The following SLC22A23 variants were observed in gnomAD, a reference collection of about 807,000 sequenced individuals.
SLC22A23 encodes the protein ion transporter protein.
A neutral mutation model predicts 61.0 loss-of-function variants in SLC22A23; 26 were observed. The ratio of observed to expected loss-of-function variants is 0.43; its 90% CI spans 0.31 to 0.59. SLC22A23 has a LOEUF of 0.59. SLC22A23 is among the 20% of genes least tolerant of loss of function. The pLI is 0.11. For synonymous variants in SLC22A23, 430 were observed against 413.9 expected, an observed-to-expected ratio of 1.04 and a Z score of -0.47; for missense variants, 796 against 934.7, an observed-to-expected ratio of 0.85 and a Z score of 1.94.
At chr6:3,283,824 G>A (rs375269608) in intron 9 of SLC22A23, 28 bp downstream of exon 9, 23 of 1,612,590 alleles carry the variant, frequency 1.4e-5, no homozygotes, top group Admixed American at 6.7e-5. Flanking sequence ...AGAAGCCGGC[G>A]TCCCCTGGGG....
chr6:3,272,293 C>G lies in SLC22A23; in HGVS notation c.*762G>C, dbSNP rs995891304. 1 of 152,686 alleles carries G rather than the reference C, an allele frequency of 6.5e-6. No homozygotes were observed. The highest frequency in any genetic ancestry group is 1.5e-5 in the Non-Finnish European group (1 of 68,028). 9.5% of individuals were successfully genotyped at this position (152,686 alleles called of 1,614,324 possible). A position where few individuals can be genotyped will look rare whatever the true frequency, so the allele number is the denominator to read the frequency against. On this transcript the variant is annotated 3_prime_UTR_variant, in exon 10 of 10. Transcript: ENST00000406686. The stretch of plus-strand genomic sequence containing the variant: ...ATAAAAACGAGCACATCTCAGGTCT[C>G]GACGCATCTGTTAGCTGTGTACTCA...
intron 1 of SLC22A23, among the ~76,000 whole-genome samples, chr6:3,437,549 T>C (rs898136674): frequency 1.3e-5 from 2 of 149,466 alleles, no homozygotes; most frequent in Non-Finnish European, 3.0e-5. Flanking sequence ...ATTAGTCAGG[T>C]GTGGTGGCAG....
chr6:3,328,553 G>A lies in SLC22A23; in HGVS notation c.914-4551C>T, dbSNP rs1004468117. Among the ~76,000 whole-genome samples, 2 of 152,094 alleles carry A rather than the reference G, an allele frequency of 1.3e-5. No homozygotes were observed. Among genetic ancestry groups the A allele is most frequent in the Non-Finnish European group, 2.9e-5 (2 of 68,020 alleles). On this transcript the variant is annotated intron_variant, in intron 3 of 9. Coordinates refer to ENST00000406686, the MANE Select transcript of SLC22A23 (RefSeq NM_015482.2). This position sits in a 1 kb window ranked among gnomAD's most constrained non-coding sequence, Gnocchi z 5.0. ...GCTGCCAGGAGAGAGCTGACTTTGA[G>A]CGAGGGGCTTCTAGATAATTTGGGT...
At chr6:3,399,583 G>C (rs189058874) in intron 3 of SLC22A23, among the ~76,000 whole-genome samples, 1 of 152,196 alleles carries the variant, frequency 6.6e-6, no homozygotes, top group African/African-American at 2.4e-5. Context: ...AATGAGCAAC[G>C]TCCTGAGTTA....
chr6:3,401,405 T>C (rs1332106355), intron 3 of SLC22A23, among the ~76,000 whole-genome samples: 1 of 151,174 alleles, frequency 6.6e-6, no homozygotes, highest in Non-Finnish European at 1.5e-5. Context: ...CTGTATGTAA[T>C]GTATATTTTG....
chr6:3,441,584 GC>G (rs1771596349), intron 1 of SLC22A23, among the ~76,000 whole-genome samples: 1 of 152,090 alleles, frequency 6.6e-6, no homozygotes. Context: ...AGATGCCACA[GC>G]CCCCTGGGCT....
At chr6:3,277,523 C>A (rs1299606340) in intron 9 of SLC22A23, among the ~76,000 whole-genome samples, 3 of 152,252 alleles carry the variant, frequency 2.0e-5, no homozygotes, top group Non-Finnish European at 1.5e-5. Flanking sequence ...AGCCACCCTT[C>A]TGAGTCCAGA....
chr6:3,364,198 C>T (rs1416775875), intron 3 of SLC22A23, among the ~76,000 whole-genome samples: 31 of 152,178 alleles, frequency 2.0e-4, no homozygotes, highest in Admixed American at 2.0e-3. Flanking sequence ...ACTAACTGTC[C>T]TTATGGTGCC....
At chr6:3,384,212 T>C (rs1767137838) in intron 3 of SLC22A23, among the ~76,000 whole-genome samples, 1 of 152,272 alleles carries the variant, frequency 6.6e-6, no homozygotes, top group Non-Finnish European at 1.5e-5. Context: ...GCTGCAATTG[T>C]AAAGACATCT....
chr6:3,425,285 CTTTTT>C (rs33955202), intron 1 of SLC22A23, among the ~76,000 whole-genome samples: 6 of 115,870 alleles, frequency 5.2e-5, no homozygotes, highest in African/African-American at 1.7e-4. Flanking sequence ...ATGAATAATT[CTTTTT>C]TTTTTTTTTT....
intron 9 of SLC22A23, among the ~76,000 whole-genome samples, chr6:3,274,951 A>C (rs976692895): frequency 1.3e-5 from 2 of 149,896 alleles, no homozygotes; most frequent in Non-Finnish European, 2.9e-5. Context: ...TCAAAATTCC[A>C]GGTGACTTTT....
chr6:3,401,888 C>T (rs1467291071), intron 3 of SLC22A23, among the ~76,000 whole-genome samples: 2 of 152,190 alleles, frequency 1.3e-5, no homozygotes, highest in Admixed American at 6.5e-5. Flanking sequence ...CTCTCAGATG[C>T]CCTAAGTCTC....
In SLC22A23 at chr6:3,304,579, T is replaced by C. The variant is rs973214754; in HGVS notation, c.1083-6361A>G. Among the ~76,000 whole-genome samples the C allele has an allele frequency of 2.6e-5, 4 of 152,166 alleles. No individual in the cohort carries two copies. Among genetic ancestry groups the C allele is most frequent in the Non-Finnish European group, 5.9e-5 (4 of 68,028 alleles). On this transcript the variant is annotated intron_variant, in intron 4 of 9. Transcript: ENST00000406686. The surrounding 1 kb of genome is among the most constrained non-coding windows in gnomAD (Gnocchi z 4.3). ...TACAAATCCATCTGAAATGGATTTG[T>C]CACTACTCACTCAAATCCACTGAGC...
chr6:3,412,413 T>C (rs1005742660), intron 2 of SLC22A23, among the ~76,000 whole-genome samples: 3 of 152,324 alleles, frequency 2.0e-5, no homozygotes. Flanking sequence ...GGCCAATTAA[T>C]GTCTGCTTCA....
chr6:3,296,667 CCTT>C (rs892812849), intron 5 of SLC22A23, among the ~76,000 whole-genome samples: 3 of 152,194 alleles, frequency 2.0e-5, no homozygotes, highest in Admixed American at 6.5e-5. Flanking sequence ...TGGCTCATGT[CCTT>C]CTTCTGTCCA....
chr6:3,278,436 G>A (rs1277947958), intron 9 of SLC22A23, among the ~76,000 whole-genome samples: 1 of 152,114 alleles, frequency 6.6e-6, no homozygotes, highest in African/African-American at 2.4e-5. Flanking sequence ...CCAGGCTGAG[G>A]GTCCCAGACC....
intron 3 of SLC22A23, among the ~76,000 whole-genome samples, chr6:3,395,392 A>C (rs1323807500): frequency 6.6e-6 from 1 of 152,230 alleles, no homozygotes; most frequent in Non-Finnish European, 1.5e-5. Flanking sequence ...CAGGCAGGGG[A>C]CCACAAGGAC....
chr6:3,395,606 C>T (rs913677299), intron 3 of SLC22A23, among the ~76,000 whole-genome samples: 3 of 152,162 alleles, frequency 2.0e-5, no homozygotes, highest in Non-Finnish European at 4.4e-5. Flanking sequence ...CCCATTATAG[C>T]GAATGACTGA....
At chr6:3,415,677 T>C in intron 2 of SLC22A23, 75 bp downstream of exon 2, 1 of 1,040,714 alleles carries the variant, frequency 9.6e-7, no homozygotes, top group Non-Finnish European at 1.5e-6. Context: ...AAGCTAACAC[T>C]GACTATTTTT....
Sources: allele counts gnomAD v4.1 joint callset (sites outside exome capture counted in the v4.1 genomes callset), GRCh38; gene constraint gnomAD v4.1.1; non-coding constraint Gnocchi (gnomAD v3.1); transcripts MANE v1.5; gene names NCBI Gene and HGNC (gene_info 2026-07-23, HGNC 2026-07-21).